Variants in SCAP observed in about 807,000 individuals in gnomAD.
The protein encoded by SCAP is sterol regulatory element-binding protein cleavage-activating protein.
In SCAP, 65 loss-of-function variants were observed where a neutral mutation model predicts 123.6. The ratio of observed to expected loss-of-function variants is 0.53; its 90% confidence interval spans 0.43 to 0.65. The LOEUF (loss-of-function observed/expected upper bound fraction) is 0.65. Ranked by LOEUF, SCAP falls within the 30% of genes least tolerant of loss-of-function variation. The pLI is 0.00. For missense variants in SCAP, 1,398 were observed against 1,712.5 expected, an observed-to-expected ratio of 0.82 and a Z score of 3.24; for synonymous variants, 740 against 726.3, an observed-to-expected ratio of 1.02 and a Z score of -0.30.
Position 47,427,491 on chromosome 3 carries a change from T to C in SCAP, c.587A>G (p.His196Arg), listed in dbSNP as rs764156241. 4 of 1,614,206 alleles carry C rather than the reference T, an allele frequency of 2.5e-6. No homozygotes were observed. The highest frequency in any genetic ancestry group is 3.4e-6 in the Non-Finnish European group (4 of 1,180,040). The change falls in exon 5 of 23, where the codon CAC becomes CGC. Residue 196 changes from histidine (H) to arginine (R), a missense_variant. By Grantham distance (29) the His-to-Arg change is conservative. This residue lies in a region of SCAP where 319 missense variants were observed against 432.4 expected (regional missense o/e 0.74). Transcript: ENST00000265565. ...CTGCAGGGTTTTAGGCTCGTGCTGG[T>C]GGATGGTCCCAATGATGTCAGGATC... is the stretch of plus-strand genomic sequence containing the variant. The part of the protein sequence containing the change: ...HADPDIIGTI[H>R]QHEPKTLQTS...
At chr3:47,455,634 CTG>C (rs1707396040) in intron 1 of SCAP, among the ~76,000 whole-genome samples, 1 of 149,676 alleles carries the variant, frequency 6.7e-6, no homozygotes, top group Non-Finnish European at 1.5e-5. Flanking sequence ...AAAGAAATCT[CTG>C]AAACTCCGAA....
intron 1 of SCAP, among the ~76,000 whole-genome samples, chr3:47,446,722 C>T (rs1707058917): frequency 6.6e-6 from 1 of 151,572 alleles, no homozygotes; most frequent in Non-Finnish European, 1.5e-5. Context: ...TGGGAAATCA[C>T]TTGAAACCAG....
At chr3:47,450,944 G>C (rs1402975646) in intron 1 of SCAP, among the ~76,000 whole-genome samples, 1 of 121,508 alleles carries the variant, frequency 8.2e-6, no homozygotes, top group African/African-American at 2.8e-5. Context: ...TTGAATTCCT[G>C]GACGCAGTCC....
intron 2 of SCAP, among the ~76,000 whole-genome samples, chr3:47,436,753 G>C (rs984798890): frequency 2.0e-5 from 3 of 152,146 alleles, no homozygotes; most frequent in Non-Finnish European, 4.4e-5. Context: ...TAAGTATAAA[G>C]TGCAGTAAGT....
intron 6 of SCAP, among the ~76,000 whole-genome samples, chr3:47,426,893 AAG>A (rs1465612653): frequency 1.3e-5 from 2 of 152,168 alleles, no homozygotes; most frequent in East Asian, 3.9e-4. Context: ...CCCTAGGCTC[AAG>A]AGAGACCAGA....
chr3:47,446,010 G>C (rs568047542), intron 1 of SCAP, among the ~76,000 whole-genome samples: 1 of 150,764 alleles, frequency 6.6e-6, no homozygotes, highest in East Asian at 2.0e-4. Context: ...TGAGTAGCTG[G>C]AATTACAGAT....
At chr3:47,436,556 G>A (rs994625051) in intron 2 of SCAP, among the ~76,000 whole-genome samples, 2 of 151,978 alleles carry the variant, frequency 1.3e-5, no homozygotes, top group African/African-American at 4.8e-5. Context: ...CTAACCCTGG[G>A]AGGTAGAGGC....
intron 2 of SCAP, among the ~76,000 whole-genome samples, chr3:47,437,689 C>A (rs1706638379): frequency 6.6e-6 from 1 of 151,994 alleles, no homozygotes; most frequent in South Asian, 2.1e-4. Flanking sequence ...CTGCAATAAG[C>A]CATGATCATG....
In SCAP at chr3:47,428,605, G is replaced by A; in HGVS notation, c.318C>T (p.His106=). 1 of 1,614,172 alleles carries A rather than the reference G, an allele frequency of 6.2e-7. No homozygotes were observed. The change falls in exon 4 of 23, where the codon CAC becomes CAT. Residue 106 remains histidine (H), a synonymous_variant. Transcript: ENST00000265565. The part of the protein sequence containing the change: ...IFVKSSVFPW[H]KNLLAVDVFR... ...ATACATCTACTGCCAGGAGGTTCTT[G>A]TGCCAGGGAAACACTGAGGACTTCA...
At chr3:47,434,706 G>A (rs560042918) in intron 3 of SCAP, 5 of 227,262 alleles carry the variant, frequency 2.2e-5, no homozygotes, top group Middle Eastern at 1.6e-3. Context: ...GCGTGGTGGC[G>A]CACACCTACA....
Position 47,442,905 on chromosome 3 carries a change from A to G in SCAP, c.89T>C (p.Ile30Thr). The change falls in exon 2 of 23, where the codon ATC (isoleucine) becomes ACC (threonine). Residue 30 changes from isoleucine to threonine, a missense_variant. This residue lies in a region of SCAP where 319 missense variants were observed against 432.4 expected (regional missense o/e 0.74). Transcript: ENST00000265565. ...TAAGATGCAGAACCCTGTGAAGAGG[A>G]TGATGGGGATGGGATAGGATGCACA... ...LLCASYPIPI[I>T]LFTGFCILAC... The G allele has an allele frequency of 6.2e-7, 1 of 1,614,164 alleles. No individual in the cohort carries two copies. The highest frequency in any genetic ancestry group is 8.5e-7 in the Non-Finnish European group (1 of 1,180,028).
chr3:47,473,003 C>A (rs986468891), intron 1 of SCAP, among the ~76,000 whole-genome samples: 2 of 140,436 alleles, frequency 1.4e-5, no homozygotes, highest in African/African-American at 5.3e-5. Flanking sequence ...TCGCTTGAAC[C>A]TGGGAGGCGG....
rs1052387428 is a variant in SCAP, at chr3:47,420,938, C to T, written c.1337G>A (p.Arg446Gln). The T allele has an allele frequency of 6.2e-7, 1 of 1,613,610 alleles. No individual in the cohort carries two copies. The highest frequency in any genetic ancestry group is 8.5e-7 in the Non-Finnish European group (1 of 1,179,726). The change falls in exon 11 of 23, where the codon CGG (arginine) becomes CAG (glutamine). Residue 446 changes from arginine (R) to glutamine (Q), a missense_variant. Arg to Gln is a conservative substitution (Grantham distance 43). Around this residue, in one of 7 missense-constraint regions of SCAP, gnomAD observed 66 missense variants for 116.3 expected, o/e 0.57. Coordinates refer to ENST00000265565, the MANE Select transcript of SCAP (RefSeq NM_012235.4). This position sits in a 1 kb window ranked among gnomAD's most constrained non-coding sequence, Gnocchi z 5.0. ...FTTVLSIDIRRMELADLNKRL... is the reference protein window; with the variant it reads ...FTTVLSIDIRQMELADLNKRL... ...GGCTCAGCCCACTCCTACCTCCATC[C>T]GGCGAATGTCAATGGACAGGACAGT...
intron 1 of SCAP, among the ~76,000 whole-genome samples, chr3:47,468,329 C>T (rs1707909627): frequency 6.6e-6 from 1 of 152,114 alleles, no homozygotes; most frequent in African/African-American, 2.4e-5. Context: ...AGTTTACAGT[C>T]CCACCAACAG....
chr3:47,453,112 C>A (rs548220433), intron 1 of SCAP, among the ~76,000 whole-genome samples: 1 of 152,028 alleles, frequency 6.6e-6, no homozygotes, highest in Non-Finnish European at 1.5e-5. Flanking sequence ...AAAAAATGAA[C>A]TGGACTAGTG....
rs757190588 is a variant in SCAP at position 47,422,463 on chromosome 3, G to A, written c.1224C>T (p.Phe408=). The A allele has an allele frequency of 1.2e-6, 2 of 1,613,620 alleles. No individual in the cohort carries two copies. Among genetic ancestry groups the A allele is most frequent in the African/African-American group, 2.7e-5 (2 of 74,952 alleles). Residue 408 remains phenylalanine, a synonymous_variant, in exon 10 of 23, where the codon TTC becomes TTT. Transcript: ENST00000265565. Reference sequence around the variant, plus strand: ...TTACCTGGATGGCGGGCACTAGGGTGAAGTAGCCGATGAGGATGATGCCCA... The same window carrying A: ...TTACCTGGATGGCGGGCACTAGGGTAAAGTAGCCGATGAGGATGATGCCCA... The part of the protein sequence containing the change: ...TELGIILIGY[F]TLVPAIQEFC...
intron 1 of SCAP, among the ~76,000 whole-genome samples, chr3:47,446,176 C>CTT (rs1291703603): frequency 4.6e-5 from 6 of 129,180 alleles, no homozygotes; most frequent in Non-Finnish European, 8.4e-5. Context: ...CCTGGCCAAC[C>CTT]TTTTTTTTTT....
intron 1 of SCAP, among the ~76,000 whole-genome samples, chr3:47,462,753 C>CAAAA (rs369097240): frequency 3.7e-4 from 29 of 79,004 alleles, no homozygotes; most frequent in African/African-American, 4.6e-4. Context: ...AACTCCGTCT[C>CAAAA]AAAAAAAAAA....
intron 3 of SCAP, among the ~76,000 whole-genome samples, chr3:47,433,393 C>G (rs1051595303): frequency 6.6e-6 from 1 of 152,120 alleles, no homozygotes; most frequent in East Asian, 1.9e-4. Context: ...TCCTGATTCC[C>G]GAGCCCTCTA....
Sources: allele counts gnomAD v4.1 joint callset (sites outside exome capture counted in the v4.1 genomes callset), GRCh38; gene constraint gnomAD v4.1.1; regional missense constraint gnomAD v4.1.1; non-coding constraint Gnocchi (gnomAD v3.1); transcripts MANE v1.5; gene names NCBI Gene and HGNC (gene_info 2026-07-23, HGNC 2026-07-21).